Variants in TMEM67 observed in about 807,000 individuals in gnomAD.
TMEM67 encodes transmembrane protein 67.
TMEM67 carries 124 observed loss-of-function variants against 136.6 expected under a neutral mutation model. The ratio of observed to expected loss-of-function variants is 0.91; its 90% confidence interval spans 0.78 to 1.05. The LOEUF is 1.05. TMEM67 is among the 50% of genes least tolerant of loss of function. The pLI, the probability that TMEM67 is intolerant of heterozygous loss-of-function variation, is 0.00. For synonymous variants in TMEM67, 364 were observed against 390.5 expected (o/e 0.93, Z 0.80); for missense variants, 1,107 against 1,178.4 (o/e 0.94, Z 0.89).
intron 7 of TMEM67, among the ~76,000 whole-genome samples, chr8:93,775,426 C>A (rs1195702809): frequency 1.3e-5 from 2 of 152,134 alleles, no homozygotes; most frequent in Non-Finnish European, 2.9e-5. Context: ...AAGTCCTTGC[C>A]CGTGCCTATG....
intron 18 of TMEM67, among the ~76,000 whole-genome samples, chr8:93,796,404 A>G (rs1330181910): frequency 1.3e-5 from 2 of 152,114 alleles, no homozygotes; most frequent in Non-Finnish European, 1.5e-5. Context: ...CTTTCTTCCT[A>G]TGGCCCCCCA....
At chr8:93,755,965 A>G in intron 2 of TMEM67, 99 bp downstream of exon 2, 1 of 721,652 alleles carries the variant, frequency 1.4e-6, no homozygotes. Context: ...GTTTCCCCAC[A>G]GACTTTAAAA....
chr8:93,755,774 TTAG>T lies in TMEM67; in HGVS notation c.224-3_224-1del. On this transcript the variant is annotated splice_acceptor_variant and splice_polypyrimidine_tract_variant and intron_variant, in intron 1 of 27. Coordinates refer to ENST00000453321, the MANE Select transcript of TMEM67 (RefSeq NM_153704.6). LOFTEE classifies it high-confidence loss of function. ...GGCTTTTTTTTTTTTTTTTTTTTTT[TTAG>T]GAACTTCATGTGTATGTCTACCAGG... 1 of 1,382,876 alleles carries T rather than the reference TTAG, an allele frequency of 7.2e-7. No individual in the cohort carries two copies. Among genetic ancestry groups the T allele is most frequent in the Non-Finnish European group, 1.0e-6 (1 of 1,002,696 alleles). The allele number at this position is 1,382,876 out of a possible 1,614,324, so 85.7% of individuals were successfully genotyped here.
chr8:93,759,910 A>C (rs1474550448), intron 3 of TMEM67: 2 of 1,448,578 alleles, frequency 1.4e-6, no homozygotes, highest in Non-Finnish European at 1.9e-6. Flanking sequence ...CAGCCTCCCA[A>C]AGTGCTGGGA....
At chr8:93,774,017 TA>T (rs918908429) in intron 7 of TMEM67, among the ~76,000 whole-genome samples, 15 of 151,842 alleles carry the variant, frequency 9.9e-5, no homozygotes, top group South Asian at 2.1e-4. Context: ...TAAAATAGGT[TA>T]AAAAAAATTT....
At chr8:93,812,991 C>T (rs144284511) in intron 26 of TMEM67, among the ~76,000 whole-genome samples, 244 of 152,276 alleles carry the variant, frequency 1.6e-3, no homozygotes, top group African/African-American at 5.5e-3. Flanking sequence ...CCGCCTCAGC[C>T]TCCCAAAGTG....
chr8:93,795,290 G>A, intron 16 of TMEM67, 119 bp from the exon 17 acceptor site: 1 of 865,986 alleles, frequency 1.2e-6, no homozygotes, highest in African/African-American at 1.7e-5. Flanking sequence ...ATGGGGATAT[G>A]TGAAACAAGG....
At position 93,816,426 on chromosome 8, in the gene TMEM67, T is replaced by C. The variant is rs762068518; in HGVS notation, c.2962T>C (p.Leu988=). The change falls in exon 28 of 28, where the codon TTG becomes CTG. Residue 988 remains leucine, a synonymous_variant. Coordinates refer to ENST00000453321, the MANE Select transcript of TMEM67 (RefSeq NM_153704.6). The stretch of plus-strand genomic sequence containing the variant: ...ACAAAAGAATTTGGCATCCAAAACA[T>C]TGGTGGATCAAAGATTTTTGATTTA... ...VGQKNLASKT[L]VDQRFLI 8.1e-6 allele frequency: 13 copies of C among 1,597,580 alleles called. 1 individual carries two copies. The South Asian group carries it at 1.4e-4, about 18-fold the overall frequency.
intron 23 of TMEM67, among the ~76,000 whole-genome samples, chr8:93,805,103 G>C (rs1815079926): frequency 6.6e-6 from 1 of 152,120 alleles, no homozygotes; most frequent in Non-Finnish European, 1.5e-5. Flanking sequence ...TTCCTGAGCA[G>C]CTGGGACTGC....
chr8:93,803,736 T>G, intron 22 of TMEM67, 52 bp downstream of exon 22: 1 of 1,116,072 alleles, frequency 9.0e-7, no homozygotes, highest in Non-Finnish European at 1.4e-6. Context: ...TTTTTAAAGG[T>G]CATGAGTTTG....
intron 9 of TMEM67, among the ~76,000 whole-genome samples, chr8:93,781,361 C>T (rs1469086816): frequency 1.3e-5 from 2 of 152,164 alleles, no homozygotes; most frequent in African/African-American, 4.8e-5. Flanking sequence ...ACTTTTTGAC[C>T]TTCCAGAATG....
Position 93,799,648 on chromosome 8 carries a change from G to A in TMEM67, c.2131G>A (p.Asp711Asn). 6.2e-7 allele frequency: 1 copy of A among 1,613,744 alleles called. No individual in the cohort carries two copies. Among genetic ancestry groups the A allele is most frequent in the East Asian group, 2.2e-5 (1 of 44,828 alleles). The change falls in exon 21 of 28, where the codon GAC (aspartate) becomes AAC (asparagine). Residue 711 changes from aspartate to asparagine, a missense_variant. Asp to Asn is a conservative substitution (Grantham distance 23). Coordinates refer to ENST00000453321, the MANE Select transcript of TMEM67 (RefSeq NM_153704.6). ...GGGATTCAAGAACTTAGCATTAATG[G>A]ACTCATCTTCTAGTCTTTCTAGAAA... Reference protein sequence around the residue: ...VVGFKNLALMDSSSSLSRNPP... With the variant: ...VVGFKNLALMNSSSSLSRNPP...
chr8:93,829,462 C>G, the TMEM67 span, among the ~76,000 whole-genome samples: 1 of 151,806 alleles, frequency 6.6e-6, no homozygotes, highest in Non-Finnish European at 1.5e-5. Context: ...ACACTTGCTA[C>G]AGCACCTCCA....
intron 6 of TMEM67, among the ~76,000 whole-genome samples, chr8:93,770,252 T>G (rs1813272253): frequency 2.0e-5 from 3 of 152,074 alleles, no homozygotes; most frequent in African/African-American, 7.3e-5. Context: ...AAACACAATG[T>G]TTTTTTCCCC....
chr8:93,759,961 T>G, intron 3 of TMEM67: 1 of 1,538,882 alleles, frequency 6.5e-7, no homozygotes, highest in South Asian at 1.2e-5. Flanking sequence ...GCATGTACTT[T>G]AGAAGGAATG....
At chr8:93,763,282 A>T (rs1376973669) in intron 3 of TMEM67, among the ~76,000 whole-genome samples, 2 of 152,306 alleles carry the variant, frequency 1.3e-5, no homozygotes, top group East Asian at 3.9e-4. Flanking sequence ...TGGATATACC[A>T]TCATTCTGCT....
chr8:93,788,050 G>GAGTATAATACTGA, intron 14 of TMEM67, 101 bp downstream of exon 14: 1 of 830,686 alleles, frequency 1.2e-6, no homozygotes. Flanking sequence ...TTTTTTTTAA[G>GAGTATAATACTGA]TTCTAAATAA....
At chr8:93,819,155 G>A, downstream of TMEM67, 1 of 449,466 alleles carries the variant, frequency 2.2e-6, no homozygotes, top group Non-Finnish European at 4.4e-6. Flanking sequence ...ATGAATGCTG[G>A]AATTTTTATT....
intron 7 of TMEM67, 85 bp from the exon 8 acceptor site, chr8:93,780,508 C>T: frequency 6.5e-7 from 1 of 1,529,362 alleles, no homozygotes; most frequent in Non-Finnish European, 9.0e-7. Flanking sequence ...TTGGAACAGA[C>T]CTGCACAAAG....
Sources: gnomAD v4.1 joint callset for allele counts (sites outside exome capture counted in the v4.1 genomes callset) on GRCh38, gnomAD v4.1.1 for gene constraint, MANE v1.5 for transcripts, NCBI Gene and HGNC (gene_info 2026-07-23, HGNC 2026-07-21) for gene names.